The following CPQ variants were observed in gnomAD, a reference collection of about 807,000 sequenced individuals.
The protein encoded by CPQ is Ser-Met dipeptidase.
CPQ carries 37 observed loss-of-function variants against 45.7 expected under a neutral mutation model. The ratio of observed to expected loss-of-function variants is 0.81; its 90% CI spans 0.62 to 1.07. CPQ has a LOEUF of 1.07. Among genes scored for constraint, CPQ ranks in the 50% least tolerant of loss-of-function variants. The probability of loss-of-function intolerance (pLI) is 0.00; values close to 1 mark genes in which losing one functional copy is unlikely to be tolerated. For missense variants in CPQ, 537 were observed against 572.9 expected (o/e 0.94, Z 0.64); for synonymous variants, 186 against 205.8 (o/e 0.90, Z 0.82).
At chr8:96,902,246 G>A (rs938933704) in intron 4 of CPQ, among the ~76,000 whole-genome samples, 1 of 152,212 alleles carries the variant, frequency 6.6e-6, no homozygotes, top group Non-Finnish European at 1.5e-5. Flanking sequence ...TTTTATATAT[G>A]TAAGTCGTAA....
chr8:97,093,073 A>G (rs1182875102), intron 7 of CPQ: 1 of 152,202 alleles, frequency 6.6e-6, no homozygotes, highest in Non-Finnish European at 1.5e-5. Flanking sequence ...AAAAATGCTC[A>G]ACATCATTAA....
intron 1 of CPQ, among the ~76,000 whole-genome samples, chr8:96,726,115 G>C (rs1022237937): frequency 1.3e-5 from 2 of 152,110 alleles, no homozygotes; most frequent in Middle Eastern, 3.4e-3. Context: ...GGGGGTCAAG[G>C]GGTGAAAAAT....
intron 3 of CPQ, among the ~76,000 whole-genome samples, chr8:96,841,677 G>A (rs6988542): frequency 0.49 from 74,331 of 152,062 alleles, 20,214 homozygotes; most frequent in East Asian, 0.88. Context: ...ACTGGCTGAT[G>A]TTTTATATCA....
At chr8:97,036,000 C>T (rs1460559631) in intron 6 of CPQ, among the ~76,000 whole-genome samples, 4 of 152,308 alleles carry the variant, frequency 2.6e-5, no homozygotes. Flanking sequence ...AGCCACCATG[C>T]CCGGCCGCCT....
intron 1 of CPQ, among the ~76,000 whole-genome samples, chr8:96,767,635 C>CGTT (rs1810484488): frequency 5.1e-5 from 2 of 39,278 alleles, no homozygotes; most frequent in African/African-American, 2.2e-4. Context: ...GTTACCTATG[C>CGTT]TTTTTTTTTT....
chr8:97,091,920 C>T (rs1811133356), intron 7 of CPQ, among the ~76,000 whole-genome samples: 1 of 151,996 alleles, frequency 6.6e-6, no homozygotes, highest in Non-Finnish European at 1.5e-5. Flanking sequence ...ATGTCATGCT[C>T]ATCTGAACCT....
At chr8:96,957,758 C>G (rs541534639) in intron 4 of CPQ, among the ~76,000 whole-genome samples, 1 of 151,686 alleles carries the variant, frequency 6.6e-6, no homozygotes. Flanking sequence ...AAGATCACAC[C>G]TCTGCACTCC....
At chr8:97,131,526 C>T (rs538558146) in intron 7 of CPQ, among the ~76,000 whole-genome samples, 2 of 152,178 alleles carry the variant, frequency 1.3e-5, no homozygotes, top group South Asian at 2.1e-4. Context: ...TTTCTTGTGA[C>T]CTTGACCCTG....
At position 96,907,391 on chromosome 8, in the gene CPQ, C is replaced by G. The variant is rs370674455; in HGVS notation, c.849+27386C>G. Among the ~76,000 whole-genome samples, 367 of 152,204 alleles carry G rather than the reference C, an allele frequency of 2.4e-3. 2 individuals are homozygous for G. Among genetic ancestry groups the G allele is most frequent in the African/African-American group, 8.6e-3 (358 of 41,528 alleles). On this transcript the variant is annotated intron_variant, in intron 4 of 7. Transcript: ENST00000220763. ...TCAGACCTGGAAATGGCACATAGAA[C>G]TTCCATTCACAAACCACTAGTGAGC...
At chr8:96,935,806 C>G (rs1464664555) in intron 4 of CPQ, among the ~76,000 whole-genome samples, 1 of 152,120 alleles carries the variant, frequency 6.6e-6, no homozygotes, top group Non-Finnish European at 1.5e-5. Flanking sequence ...AAATACTTTA[C>G]TTATAAATTC....
intron 1 of CPQ, among the ~76,000 whole-genome samples, chr8:96,736,200 G>C (rs1809980710): frequency 6.6e-6 from 1 of 152,158 alleles, no homozygotes; most frequent in African/African-American, 2.4e-5. Context: ...CTAATCATAT[G>C]AATTATTGCA....
In CPQ at chr8:96,930,018, C is replaced by T. The variant is rs542166375; in HGVS notation, c.850-35917C>T. Reference sequence around the variant, plus strand: ...CCAAGAGGCGAGAATTTTGTCCTCTCTGAACTTCTCGGTTAGAAGATTAAG... The same window carrying T: ...CCAAGAGGCGAGAATTTTGTCCTCTTTGAACTTCTCGGTTAGAAGATTAAG... On this transcript the variant is annotated intron_variant, in intron 4 of 7. Coordinates refer to ENST00000220763, the MANE Select transcript of CPQ (RefSeq NM_016134.4). Among the ~76,000 whole-genome samples the T allele has an allele frequency of 1.3e-4, 20 of 152,280 alleles. 1 individual carries two copies. The East Asian group carries it at 3.9e-3, about 29-fold the overall frequency.
At chr8:97,009,110 G>A (rs557142893) in intron 5 of CPQ, among the ~76,000 whole-genome samples, 2 of 152,286 alleles carry the variant, frequency 1.3e-5, no homozygotes, top group East Asian at 1.9e-4. Context: ...CTTTACATAC[G>A]TGGCAGAATC....
intron 5 of CPQ, among the ~76,000 whole-genome samples, chr8:97,002,614 G>T: frequency 6.6e-6 from 1 of 152,126 alleles, no homozygotes; most frequent in East Asian, 1.9e-4. Flanking sequence ...TGATTGTGTT[G>T]TGGTCCAAGA....
chr8:96,973,713 T>C (rs1450273148), intron 5 of CPQ, among the ~76,000 whole-genome samples: 2 of 152,206 alleles, frequency 1.3e-5, no homozygotes, highest in African/African-American at 4.8e-5. Context: ...TGGGGTCCTC[T>C]TTTTAGCCTC....
At chr8:97,017,971 C>T (rs180921289) in intron 5 of CPQ, among the ~76,000 whole-genome samples, 17 of 152,260 alleles carry the variant, frequency 1.1e-4, no homozygotes, top group Admixed American at 1.1e-3. Context: ...GCTAAGGTAT[C>T]CTCACAGAGT....
intron 1 of CPQ, among the ~76,000 whole-genome samples, chr8:96,655,182 C>T (rs1335392094): frequency 3.3e-5 from 5 of 151,808 alleles, no homozygotes; most frequent in Admixed American, 1.3e-4. Flanking sequence ...TCTCTCTCTT[C>T]GTCTTCTGAA....
At chr8:96,734,736 T>TAAATA (rs892317305) in intron 1 of CPQ, among the ~76,000 whole-genome samples, 10 of 60,496 alleles carry the variant, frequency 1.7e-4, no homozygotes, top group African/African-American at 2.1e-4. Context: ...TAAAATAAAA[T>TAAATA]AAATAAAATA....
chr8:97,140,893 A>G (rs1812147869), intron 7 of CPQ, among the ~76,000 whole-genome samples: 1 of 152,044 alleles, frequency 6.6e-6, no homozygotes, highest in Admixed American at 6.6e-5. Flanking sequence ...AAGCCCCAAA[A>G]TAAACATATA....
Sources: allele counts gnomAD v4.1 joint callset (sites outside exome capture counted in the v4.1 genomes callset), GRCh38; gene constraint gnomAD v4.1.1; transcripts MANE v1.5; gene names NCBI Gene and HGNC (gene_info 2026-07-23, HGNC 2026-07-21).